The following MAN1A1 variants were observed in gnomAD, a reference collection of about 807,000 sequenced individuals.
MAN1A1 encodes the protein mannosyl-oligosaccharide 1,2-alpha-mannosidase IA.
MAN1A1 carries 29 observed loss-of-function variants against 70.8 expected under a neutral mutation model. That is an observed-to-expected ratio of 0.41 (90% CI 0.31 to 0.56). MAN1A1 has a LOEUF of 0.56. Ranked by LOEUF, MAN1A1 falls within the 20% of genes least tolerant of loss-of-function variation. The probability of loss-of-function intolerance (pLI) is 0.29; values close to 1 mark genes in which losing one functional copy is unlikely to be tolerated. For synonymous variants in MAN1A1, 349 were observed against 330.1 expected, an observed-to-expected ratio of 1.06 and a Z score of -0.62; for missense variants, 747 against 841.3, an observed-to-expected ratio of 0.89 and a Z score of 1.39.
chr6:119,347,834 A>C (rs1276520617), intron 2 of MAN1A1, among the ~76,000 whole-genome samples: 1 of 152,184 alleles, frequency 6.6e-6, no homozygotes, highest in Non-Finnish European at 1.5e-5. Context: ...GTGGAGGCAA[A>C]CCTGTTGCAT....
rs545969345 is a variant in MAN1A1, at chr6:119,212,066, T to A, written c.993-7184A>T. Among the ~76,000 whole-genome samples, 20 of 151,862 alleles carry A rather than the reference T, an allele frequency of 1.3e-4. No homozygotes were observed. The East Asian group carries it at 3.9e-3, about 29-fold the overall frequency. On this transcript the variant is annotated intron_variant, in intron 6 of 12. Transcript: ENST00000368468. Reference sequence around the variant, plus strand: ...CATGTTAGCCAGGATGGTCTCGATCTCCCAACCTCATGATCTGCTCGCCTC... The same window carrying A: ...CATGTTAGCCAGGATGGTCTCGATCACCCAACCTCATGATCTGCTCGCCTC...
rs561981316 is a variant in MAN1A1, at chr6:119,279,063, C to T, written c.897+11620G>A. On this transcript the variant is annotated intron_variant, in intron 5 of 12. Transcript: ENST00000368468. ...CAGATAGACTCTGGCAAAATCCCCC[C>T]TCAACCATTCAATCTCATGTTATCC... Among the ~76,000 whole-genome samples, 6 of 152,292 alleles carry T rather than the reference C, an allele frequency of 3.9e-5. No homozygotes were observed. In the East Asian group the frequency reaches 1.2e-3, roughly 29 times the overall value.
At chr6:119,204,942 A>G in intron 6 of MAN1A1, 60 bp from the exon 7 acceptor site, 1 of 1,567,396 alleles carries the variant, frequency 6.4e-7, no homozygotes, top group African/African-American at 1.4e-5. Flanking sequence ...TTCACTATCT[A>G]AATAGCAGAC....
chr6:119,249,119 T>C (rs1004226546), intron 5 of MAN1A1, among the ~76,000 whole-genome samples: 2 of 151,786 alleles, frequency 1.3e-5, no homozygotes, highest in African/African-American at 4.8e-5. Context: ...GGAGTGAAGA[T>C]TGAAAAGTAA....
At chr6:119,234,910 T>C (rs1774799581) in intron 6 of MAN1A1, among the ~76,000 whole-genome samples, 1 of 152,188 alleles carries the variant, frequency 6.6e-6, no homozygotes, top group Admixed American at 6.5e-5. Flanking sequence ...CTGTCAAGTT[T>C]TGGTAATTCT....
intron 4 of MAN1A1, among the ~76,000 whole-genome samples, chr6:119,301,061 T>C (rs1772377052): frequency 6.6e-6 from 1 of 152,212 alleles, no homozygotes; most frequent in Non-Finnish European, 1.5e-5. Context: ...AAATTCTCTT[T>C]GTCCACTTTC....
intron 5 of MAN1A1, among the ~76,000 whole-genome samples, chr6:119,268,920 C>A (rs939926769): frequency 1.3e-5 from 2 of 152,098 alleles, no homozygotes; most frequent in African/African-American, 4.8e-5. Flanking sequence ...ACGAGTAGGC[C>A]ATAGACAAAC....
intron 5 of MAN1A1, among the ~76,000 whole-genome samples, chr6:119,274,185 T>C (rs1475329207): frequency 1.3e-5 from 2 of 152,222 alleles, no homozygotes; most frequent in African/African-American, 2.4e-5. Context: ...AGAGAAAACA[T>C]ACTATAAAAT....
intron 8 of MAN1A1, among the ~76,000 whole-genome samples, chr6:119,197,585 C>T (rs1044253568): frequency 5.9e-5 from 9 of 152,076 alleles, no homozygotes; most frequent in African/African-American, 1.7e-4. Context: ...AAATCCCAAC[C>T]GGAGCACTGA....
At chr6:119,260,181 T>G (rs957719469) in intron 5 of MAN1A1, among the ~76,000 whole-genome samples, 1 of 152,228 alleles carries the variant, frequency 6.6e-6, no homozygotes, top group Non-Finnish European at 1.5e-5. Context: ...AATAATCCTT[T>G]AAAATTTAAC....
intron 6 of MAN1A1, among the ~76,000 whole-genome samples, chr6:119,214,502 T>C (rs954224839): frequency 2.1e-4 from 32 of 152,120 alleles, no homozygotes; most frequent in African/African-American, 7.7e-4. Context: ...AGTAAAAACA[T>C]CACTATGGTA....
At chr6:119,219,169 T>C (rs1322264241) in intron 6 of MAN1A1, among the ~76,000 whole-genome samples, 1 of 151,978 alleles carries the variant, frequency 6.6e-6, no homozygotes. Context: ...CCCATCTTAC[T>C]GCAAAATTTC....
intron 2 of MAN1A1, among the ~76,000 whole-genome samples, chr6:119,328,701 T>G (rs1339760619): frequency 2.6e-5 from 4 of 152,246 alleles, no homozygotes; most frequent in African/African-American, 4.8e-5. Context: ...TGATTTGATG[T>G]GTGCAGGTGT....
intron 6 of MAN1A1, among the ~76,000 whole-genome samples, chr6:119,219,902 A>T (rs191897836): frequency 6.6e-6 from 1 of 151,500 alleles, no homozygotes; most frequent in East Asian, 2.0e-4. Flanking sequence ...TATACAACTT[A>T]GTAAGAAAAG....
intron 8 of MAN1A1, among the ~76,000 whole-genome samples, chr6:119,198,899 C>G (rs1773643687): frequency 6.6e-6 from 1 of 152,190 alleles, no homozygotes. Context: ...CAACAATAGT[C>G]AACAAGTGGT....
chr6:119,269,267 T>C, intron 5 of MAN1A1: 1 of 287,208 alleles, frequency 3.5e-6, no homozygotes, highest in Non-Finnish European at 6.9e-6. Flanking sequence ...CCTCTTCTCC[T>C]GGGTGGCTGT....
chr6:119,231,892 C>T (rs1774686892), intron 6 of MAN1A1, among the ~76,000 whole-genome samples: 2 of 152,248 alleles, frequency 1.3e-5, no homozygotes, highest in African/African-American at 2.4e-5. Flanking sequence ...AAGAAAGGTG[C>T]TATGTATATA....
intron 7 of MAN1A1, among the ~76,000 whole-genome samples, chr6:119,201,629 A>C (rs1485212057): frequency 6.6e-6 from 1 of 152,168 alleles, no homozygotes; most frequent in East Asian, 1.9e-4. Context: ...GACAGACAAT[A>C]AATCAATAAG....
intron 4 of MAN1A1, among the ~76,000 whole-genome samples, chr6:119,291,303 C>T (rs1052422377): frequency 6.6e-6 from 1 of 151,992 alleles, no homozygotes; most frequent in African/African-American, 2.4e-5. Flanking sequence ...TGAGGCCTCC[C>T]CAGCCATGTG....
Sources: gnomAD v4.1 joint callset for allele counts (sites outside exome capture counted in the v4.1 genomes callset) on GRCh38, gnomAD v4.1.1 for gene constraint, MANE v1.5 for transcripts, NCBI Gene and HGNC (gene_info 2026-07-23, HGNC 2026-07-21) for gene names.